The following MORC3 variants were observed in gnomAD, a reference collection of about 807,000 sequenced individuals.
MORC3 encodes the protein MORC family CW-type zinc finger 3.
MORC3 carries 31 observed loss-of-function variants against 109.1 expected under a neutral mutation model. The observed-to-expected ratio is 0.28, with a 90% CI of 0.21 to 0.38. The LOEUF (loss-of-function observed/expected upper bound fraction) is 0.38, where lower values mean the gene tolerates loss of function less well. Among genes scored for constraint, MORC3 ranks in the 10% least tolerant of loss-of-function variants. The probability of loss-of-function intolerance (pLI) is 1.00; values close to 1 mark genes in which losing one functional copy is unlikely to be tolerated. For synonymous variants in MORC3, 395 were observed against 380.7 expected, an observed-to-expected ratio of 1.04 and a Z score of -0.44; for missense variants, 867 against 1,135.8, an observed-to-expected ratio of 0.76 and a Z score of 3.40.
At chr21:36,330,073 G>T (rs1290664101) in intron 1 of MORC3, among the ~76,000 whole-genome samples, 3 of 152,044 alleles carry the variant, frequency 2.0e-5, no homozygotes, top group Non-Finnish European at 2.9e-5. Flanking sequence ...TGTTGGTCAG[G>T]CTGGTCTCAA....
At chr21:36,333,784 G>C in intron 2 of MORC3, 66 bp downstream of exon 2, 1 of 1,258,442 alleles carries the variant, frequency 7.9e-7, no homozygotes, top group South Asian at 1.3e-5. Context: ...TTTTTGTTTT[G>C]TTTTGTTTTT....
intron 10 of MORC3, among the ~76,000 whole-genome samples, chr21:36,358,629 A>T (rs1056380995): frequency 1.1e-4 from 17 of 152,032 alleles, no homozygotes; most frequent in Admixed American, 2.6e-4. Flanking sequence ...AAAAATAATT[A>T]AAAAAATAAA....
chr21:36,331,415 G>A (rs1950457552), intron 1 of MORC3, among the ~76,000 whole-genome samples: 1 of 152,076 alleles, frequency 6.6e-6, no homozygotes, highest in Non-Finnish European at 1.5e-5. Flanking sequence ...TGCCTAACAC[G>A]GTGAAACCCC....
intron 16 of MORC3, among the ~76,000 whole-genome samples, chr21:36,373,848 T>C (rs1174867953): frequency 2.0e-5 from 3 of 152,172 alleles, no homozygotes; most frequent in Non-Finnish European, 4.4e-5. Context: ...CAAGAACAAC[T>C]GTAACACTCA....
intron 15 of MORC3, 77 bp downstream of exon 15, chr21:36,369,953 G>GC (rs1271612417): frequency 6.6e-6 from 10 of 1,521,154 alleles, no homozygotes; most frequent in Non-Finnish European, 8.8e-6. Flanking sequence ...TTGGCTGGGC[G>GC]CGGTGGCTCA....
chr21:36,340,916 C>T (rs1248077108), intron 5 of MORC3, among the ~76,000 whole-genome samples: 6 of 152,066 alleles, frequency 3.9e-5, no homozygotes, highest in Non-Finnish European at 7.4e-5. Context: ...GGATTACAGG[C>T]GTGAGCCACT....
chr21:36,364,610 C>T (rs2085757539), intron 14 of MORC3, among the ~76,000 whole-genome samples: 1 of 150,434 alleles, frequency 6.6e-6, no homozygotes, highest in Non-Finnish European at 1.5e-5. Context: ...GCTGAGGCTG[C>T]ACCCCAGCCT....
At chr21:36,366,507 G>C (rs2085783413) in intron 14 of MORC3, among the ~76,000 whole-genome samples, 1 of 151,908 alleles carries the variant, frequency 6.6e-6, no homozygotes, top group Non-Finnish European at 1.5e-5. Flanking sequence ...ACCCAGCCTG[G>C]AGTGCAGTGG....
intron 1 of MORC3, chr21:36,320,818 G>A (rs888260557): frequency 1.3e-5 from 2 of 154,812 alleles, no homozygotes; most frequent in Non-Finnish European, 2.9e-5. Flanking sequence ...TTCCTTGGCA[G>A]TGGAAGCCTT....
intron 13 of MORC3, 80 bp downstream of exon 13, chr21:36,362,308 C>G: frequency 1.4e-6 from 2 of 1,454,948 alleles, no homozygotes; most frequent in Non-Finnish European, 1.9e-6. Flanking sequence ...TTTGGGAGGC[C>G]GAGGCAGGTG....
intron 1 of MORC3, among the ~76,000 whole-genome samples, chr21:36,321,513 A>G (rs968817193): frequency 6.6e-6 from 1 of 150,562 alleles, no homozygotes; most frequent in African/African-American, 2.4e-5. Flanking sequence ...AGGCTTTAGT[A>G]GTTTGAAAAT....
intron 2 of MORC3, among the ~76,000 whole-genome samples, chr21:36,336,313 G>A (rs983176787): frequency 1.3e-5 from 2 of 151,914 alleles, no homozygotes; most frequent in East Asian, 1.9e-4. Context: ...CACGATCTCC[G>A]CTCACTGCAA....
chr21:36,375,592 GT>G lies in MORC3; in HGVS notation c.*301del, dbSNP rs1463004617. The G allele has an allele frequency of 5.5e-6, 1 of 181,852 alleles. No individual in the cohort carries two copies. The highest frequency in any genetic ancestry group is 1.1e-5 in the Non-Finnish European group (1 of 87,414). The allele number at this position is 181,852 out of a possible 1,614,324, so 11.3% of individuals were successfully genotyped here. A position where few individuals can be genotyped will look rare whatever the true frequency, so the allele number is the denominator to read the frequency against. On this transcript the variant is annotated 3_prime_UTR_variant, in exon 17 of 17. Transcript: ENST00000400485. ...TTTTATTGCCCTAGAGTACTCAAGT[GT>G]TTTTCACCAAGAGCTTTTCAGGTTG...
intron 2 of MORC3, among the ~76,000 whole-genome samples, chr21:36,333,923 C>T (rs1043041285): frequency 5.9e-5 from 9 of 152,020 alleles, no homozygotes; most frequent in Non-Finnish European, 8.8e-5. Context: ...GCTGGGACTA[C>T]AGGCACCTGC....
intron 1 of MORC3, among the ~76,000 whole-genome samples, chr21:36,322,249 A>G (rs150156928): frequency 5.3e-5 from 8 of 151,334 alleles, no homozygotes; most frequent in Middle Eastern, 3.4e-3. Context: ...ATAGCCAGAA[A>G]CATTATTTGC....
intron 1 of MORC3, among the ~76,000 whole-genome samples, chr21:36,322,343 A>G (rs1333872892): frequency 6.7e-6 from 1 of 149,812 alleles, no homozygotes. Context: ...TAAGGCACAA[A>G]GGGTGAACCC....
chr21:36,364,202 C>G lies in MORC3; in HGVS notation c.1562C>G (p.Ala521Gly). The change falls in exon 14 of 17, where the codon GCG becomes GGG. Residue 521 changes from alanine (A) to glycine (G), a missense_variant. Coordinates refer to ENST00000400485, the MANE Select transcript of MORC3 (RefSeq NM_015358.3). ...RHLSEGTNSY[A>G]TRLLNNHQVP... The stretch of plus-strand genomic sequence containing the variant: ...CTTTCAGAAGGAACAAATTCTTATG[C>G]GACAAGACTTCTAAATAATCATCAA... 6.2e-7 allele frequency: 1 copy of G among 1,614,094 alleles called. No homozygotes were observed. The highest frequency in any genetic ancestry group is 8.5e-7 in the Non-Finnish European group (1 of 1,180,004).
At chr21:36,356,816 G>A in intron 10 of MORC3, 92 bp downstream of exon 10, 2 of 729,540 alleles carry the variant, frequency 2.7e-6, no homozygotes, top group Non-Finnish European at 2.2e-6. Flanking sequence ...ACAAACTTAG[G>A]ACTGTAACTC....
At chr21:36,335,193 A>G (rs1012787076) in intron 2 of MORC3, among the ~76,000 whole-genome samples, 2 of 152,196 alleles carry the variant, frequency 1.3e-5, no homozygotes, top group Non-Finnish European at 2.9e-5. Flanking sequence ...ATTTAGGCAT[A>G]TGTTTAAGAA....
Sources: allele counts gnomAD v4.1 joint callset (sites outside exome capture counted in the v4.1 genomes callset), GRCh38; gene constraint gnomAD v4.1.1; transcripts MANE v1.5; gene names NCBI Gene and HGNC (gene_info 2026-07-23, HGNC 2026-07-21).